KSR2: variants seen among roughly 807,000 people sequenced by gnomAD.
The protein encoded by KSR2 is kinase suppressor of ras 2.
Under a neutral mutation model 107.8 loss-of-function variants are expected in KSR2, and 25 were observed. The ratio of observed to expected loss-of-function variants is 0.23; its 90% confidence interval spans 0.17 to 0.32. The LOEUF (loss-of-function observed/expected upper bound fraction) is 0.32. Ranked by LOEUF, KSR2 falls within the 10% of genes least tolerant of loss-of-function variation. The probability of loss-of-function intolerance (pLI) is 1.00; values close to 1 mark genes in which losing one functional copy is unlikely to be tolerated. For synonymous variants in KSR2, 480 were observed against 507.0 expected (o/e 0.95, Z 0.71); for missense variants, 887 against 1,268.9 (o/e 0.70, Z 4.57).
Position 117,453,369 on chromosome 12 carries a change from C to A in KSR2, c.*13830G>T, listed in dbSNP as rs778755791. On this transcript the variant is annotated 3_prime_UTR_variant, in exon 20 of 20. Coordinates refer to ENST00000339824, the MANE Select transcript of KSR2 (RefSeq NM_173598.6). The stretch of plus-strand genomic sequence containing the variant: ...AGACGGAGACAGACAGAGATAGAAA[C>A]GGAAAGGAAAAGAAAGAAGTGGCCC... 6.6e-6 allele frequency: 1 copy of A among 152,206 alleles called. No homozygotes were observed. The highest frequency in any genetic ancestry group is 2.4e-5 in the African/African-American group (1 of 41,292). The allele number at this position is 152,206 out of a possible 1,614,324, so 9.4% of individuals were successfully genotyped here.
intron 4 of KSR2, among the ~76,000 whole-genome samples, chr12:117,725,544 T>C (rs1887392064): frequency 6.6e-6 from 1 of 152,154 alleles, no homozygotes; most frequent in Non-Finnish European, 1.5e-5. Context: ...GTGAGATAGA[T>C]AATAAACCTA....
chr12:117,846,766 G>A (rs1311336005), intron 3 of KSR2, among the ~76,000 whole-genome samples: 7 of 152,246 alleles, frequency 4.6e-5, no homozygotes, highest in South Asian at 2.1e-4. Flanking sequence ...TCCTGAGAAC[G>A]AAGAAGGGAA....
At chr12:117,641,090 T>G (rs1347832268) in intron 5 of KSR2, among the ~76,000 whole-genome samples, 1 of 152,080 alleles carries the variant, frequency 6.6e-6, no homozygotes, top group Non-Finnish European at 1.5e-5. Context: ...GCTGTAAGGT[T>G]TTTTTGTTTT....
chr12:117,757,379 C>T (rs899086947), intron 4 of KSR2, among the ~76,000 whole-genome samples: 1 of 152,186 alleles, frequency 6.6e-6, no homozygotes, highest in South Asian at 2.1e-4. Context: ...GAGATGGAAT[C>T]CACTCCAGGT....
intron 3 of KSR2, among the ~76,000 whole-genome samples, chr12:117,821,924 G>A (rs1164242771): frequency 6.6e-6 from 1 of 152,140 alleles, no homozygotes; most frequent in Non-Finnish European, 1.5e-5. Context: ...CCCAGACACA[G>A]GCATTCTAAG....
At chr12:117,597,054 G>T (rs566171217) in intron 5 of KSR2, among the ~76,000 whole-genome samples, 5 of 151,600 alleles carry the variant, frequency 3.3e-5, no homozygotes, top group Non-Finnish European at 5.9e-5. Context: ...TCTTTCCTAC[G>T]TATCTCCCGT....
chr12:117,888,049 A>T (rs1894228856), intron 1 of KSR2, among the ~76,000 whole-genome samples: 1 of 152,200 alleles, frequency 6.6e-6, no homozygotes, highest in African/African-American at 2.4e-5. Flanking sequence ...CCCAGTGCCT[A>T]CCTGAAGAAG....
chr12:117,936,294 CTAGGATTA>C (rs1355627014), intron 1 of KSR2, among the ~76,000 whole-genome samples: 115 of 152,122 alleles, frequency 7.6e-4, no homozygotes, highest in African/African-American at 2.7e-3. Context: ...TCCCAAAGTG[CTAGGATTA>C]CAGGCATGAG....
chr12:117,741,918 T>G (rs1888233863), intron 4 of KSR2, among the ~76,000 whole-genome samples: 1 of 152,164 alleles, frequency 6.6e-6, no homozygotes, highest in South Asian at 2.1e-4. Flanking sequence ...AGTTTAAAAA[T>G]ATCTCCCCAC....
chr12:117,917,369 T>C (rs1333161606), intron 1 of KSR2, among the ~76,000 whole-genome samples: 5 of 152,024 alleles, frequency 3.3e-5, no homozygotes, highest in African/African-American at 1.2e-4. Flanking sequence ...AGCGAGACCC[T>C]GTCTCTAAAA....
At chr12:117,947,791 A>G (rs1359373139) in intron 1 of KSR2, among the ~76,000 whole-genome samples, 1 of 152,130 alleles carries the variant, frequency 6.6e-6, no homozygotes, top group Non-Finnish European at 1.5e-5. Flanking sequence ...AAAAATATCA[A>G]ATACTTGAGC....
chr12:117,685,711 C>T (rs1885542686), intron 4 of KSR2, among the ~76,000 whole-genome samples: 1 of 152,250 alleles, frequency 6.6e-6, no homozygotes, highest in Non-Finnish European at 1.5e-5. Context: ...GCTGCATCCC[C>T]ACCTCCAGCC....
intron 4 of KSR2, among the ~76,000 whole-genome samples, chr12:117,708,027 A>G (rs1193559753): frequency 6.6e-6 from 1 of 152,248 alleles, no homozygotes; most frequent in African/African-American, 2.4e-5. Context: ...CTCTGCTGCC[A>G]GCCTTGTCAG....
intron 3 of KSR2, among the ~76,000 whole-genome samples, chr12:117,837,139 G>A (rs1566040561): frequency 1.3e-5 from 2 of 152,116 alleles, no homozygotes; most frequent in Non-Finnish European, 2.9e-5. Context: ...TGCCTCTGCC[G>A]TTCACTAGGG....
chr12:117,591,798 G>T (rs547769137), intron 5 of KSR2, among the ~76,000 whole-genome samples: 1 of 152,022 alleles, frequency 6.6e-6, no homozygotes, highest in Non-Finnish European at 1.5e-5. Flanking sequence ...GAGGTCAGGA[G>T]TTCAAGACCA....
intron 13 of KSR2, among the ~76,000 whole-genome samples, chr12:117,526,190 C>T (rs1394396125): frequency 6.6e-6 from 1 of 152,218 alleles, no homozygotes; most frequent in Non-Finnish European, 1.5e-5. Flanking sequence ...GCATTTTTAT[C>T]ATGCACACAC....
intron 4 of KSR2, among the ~76,000 whole-genome samples, chr12:117,683,706 A>G (rs551922921): frequency 6.6e-6 from 1 of 152,350 alleles, no homozygotes; most frequent in East Asian, 1.9e-4. Flanking sequence ...TTAAATACAT[A>G]TTCCCCTCTT....
chr12:117,844,209 C>A (rs1355818797), intron 3 of KSR2, among the ~76,000 whole-genome samples: 1 of 152,024 alleles, frequency 6.6e-6, no homozygotes, highest in Non-Finnish European at 1.5e-5. Context: ...ACCCACTCAA[C>A]AACTAGTGCC....
chr12:117,534,233 C>T (rs1052802400), intron 10 of KSR2, among the ~76,000 whole-genome samples: 1 of 151,758 alleles, frequency 6.6e-6, no homozygotes, highest in Non-Finnish European at 1.5e-5. Context: ...TCAAGTCATT[C>T]TCTGCCTAAA....
Sources: gnomAD v4.1 joint callset for allele counts (sites outside exome capture counted in the v4.1 genomes callset) on GRCh38, gnomAD v4.1.1 for gene constraint, MANE v1.5 for transcripts, NCBI Gene and HGNC (gene_info 2026-07-23, HGNC 2026-07-21) for gene names.